CCDC30: variants seen among roughly 807,000 people sequenced by gnomAD.
CCDC30 encodes coiled-coil domain-containing protein 30.
In CCDC30, 70 loss-of-function variants were observed where a neutral mutation model predicts 100.2. The ratio of observed to expected loss-of-function variants is 0.70; its 90% confidence interval spans 0.58 to 0.85. The LOEUF is 0.85. Ranked by LOEUF, CCDC30 falls within the 40% of genes least tolerant of loss-of-function variation. The pLI is 0.00. For synonymous variants in CCDC30, 233 were observed against 269.5 expected (o/e 0.86, Z 1.33); for missense variants, 652 against 771.2 (o/e 0.85, Z 1.83).
At chr1:42,531,041 A>T (rs1183835679) in intron 6 of CCDC30, among the ~76,000 whole-genome samples, 1 of 152,232 alleles carries the variant, frequency 6.6e-6, no homozygotes, top group Non-Finnish European at 1.5e-5. Flanking sequence ...GTTGAATTGT[A>T]ATATTAAATA....
intron 6 of CCDC30, chr1:42,539,208 T>C (rs1644966258): frequency 1.9e-6 from 3 of 1,607,192 alleles, no homozygotes; most frequent in Non-Finnish European, 8.5e-7. Flanking sequence ...TTATATGCCT[T>C]TATAATGAAG....
chr1:42,595,706 A>G (rs1455764066), intron 10 of CCDC30: 1 of 152,070 alleles, frequency 6.6e-6, no homozygotes, highest in Non-Finnish European at 1.5e-5. Context: ...CTCCCAGGAG[A>G]TGGTGCCATA....
chr1:42,627,639 C>T (rs1040185765), intron 11 of CCDC30, among the ~76,000 whole-genome samples: 11 of 152,158 alleles, frequency 7.2e-5, no homozygotes, highest in Non-Finnish European at 1.0e-4. Context: ...GGACTTGGTG[C>T]CCTGTGTCCC....
chr1:42,627,521 A>G (rs6665541), intron 11 of CCDC30, among the ~76,000 whole-genome samples: 36,646 of 152,110 alleles, frequency 0.24, 4,680 homozygotes, highest in Non-Finnish European at 0.27. Context: ...TCTCCAGGCC[A>G]TGTCAGAGAC....
chr1:42,457,325 T>C, the CCDC30 span: 1 of 1,614,198 alleles, frequency 6.2e-7, no homozygotes, highest in East Asian at 2.2e-5. Context: ...GAACACAAGA[T>C]CCAGTCATCT....
intron 12 of CCDC30, among the ~76,000 whole-genome samples, chr1:42,639,664 C>T (rs1311368983): frequency 6.6e-6 from 1 of 152,212 alleles, no homozygotes; most frequent in Admixed American, 6.5e-5. Context: ...CTGTGTATCA[C>T]TTTCCTCATC....
At chr1:42,481,121 AAAAAG>A (rs1396904086) in intron 2 of CCDC30, among the ~76,000 whole-genome samples, 1 of 151,992 alleles carries the variant, frequency 6.6e-6, no homozygotes, top group Non-Finnish European at 1.5e-5. Flanking sequence ...TTAAAAAAAA[AAAAAG>A]AGTCATGCTG....
At chr1:42,481,577 A>C (rs886704570) in intron 2 of CCDC30, among the ~76,000 whole-genome samples, 1 of 12,740 alleles carries the variant, frequency 7.8e-5, no homozygotes, top group South Asian at 4.0e-3. Context: ...ACCCTGTCTC[A>C]AAAAAAAAAA....
chr1:42,457,255 G>C, the CCDC30 span: 1 of 1,613,954 alleles, frequency 6.2e-7, no homozygotes, highest in Non-Finnish European at 8.5e-7. Context: ...AGGCCCTTCT[G>C]CGATGTTTTA....
At chr1:42,566,216 C>A in intron 6 of CCDC30, 80 bp from the exon 11 acceptor site, 1 of 1,069,054 alleles carries the variant, frequency 9.4e-7, no homozygotes, top group Non-Finnish European at 1.4e-6. Flanking sequence ...CTGACAATTC[C>A]GGTTCTGACA....
intron 6 of CCDC30, chr1:42,545,456 T>C (rs1645109092): frequency 6.3e-7 from 1 of 1,599,600 alleles, no homozygotes; most frequent in South Asian, 1.1e-5. Flanking sequence ...CATTTTACTC[T>C]AGGGGGAAAA....
At chr1:42,526,658 T>C (rs1195801984) in intron 6 of CCDC30, among the ~76,000 whole-genome samples, 1 of 152,180 alleles carries the variant, frequency 6.6e-6, no homozygotes, top group Non-Finnish European at 1.5e-5. Context: ...AAAATCAATT[T>C]TTTTTATTTT....
At chr1:42,586,937 C>G (rs530443648) in intron 9 of CCDC30, among the ~76,000 whole-genome samples, 4 of 152,208 alleles carry the variant, frequency 2.6e-5, no homozygotes, top group African/African-American at 9.6e-5. Flanking sequence ...TTTTCAAACT[C>G]TATATCAATT....
At chr1:42,543,904 T>C (rs1645067803) in intron 6 of CCDC30, among the ~76,000 whole-genome samples, 1 of 152,242 alleles carries the variant, frequency 6.6e-6, no homozygotes, top group Non-Finnish European at 1.5e-5. Flanking sequence ...TTGATCTTTA[T>C]AATTAAGTCC....
intron 4 of CCDC30, among the ~76,000 whole-genome samples, chr1:42,495,204 T>G (rs1644212276): frequency 6.6e-6 from 1 of 151,220 alleles, no homozygotes; most frequent in South Asian, 2.1e-4. Context: ...ATGTCCTTTG[T>G]AGGGACATGG....
intron 11 of CCDC30, among the ~76,000 whole-genome samples, chr1:42,621,948 G>A (rs1557463435): frequency 6.6e-6 from 1 of 152,002 alleles, no homozygotes. Context: ...CAACTGGTCT[G>A]TTTCTTTAGT....
intron 9 of CCDC30, among the ~76,000 whole-genome samples, chr1:42,587,666 C>T (rs570696838): frequency 3.3e-5 from 5 of 152,272 alleles, no homozygotes; most frequent in African/African-American, 1.2e-4. Context: ...TCTCAGAATA[C>T]TGAAGTTAGA....
rs148275214 is a variant in CCDC30 at position 42,513,609 on chromosome 1, C to T, written c.456+14693C>T. On this transcript the variant is annotated intron_variant, in intron 6 of 16. Transcript: ENST00000668663. ...TGTCTATGTCTGCAGCTCAATTTTA[C>T]AGACTGCTCTTTGTTAGAAAAGAAA... is the stretch of plus-strand genomic sequence containing the variant. Among the ~76,000 whole-genome samples the T allele has an allele frequency of 5.2e-3, 789 of 152,246 alleles. 7 individuals are homozygous for T. Among genetic ancestry groups the T allele is most frequent in the African/African-American group, 0.018 (762 of 41,530 alleles).
At chr1:42,510,680 G>C (rs1056241917) in intron 6 of CCDC30, among the ~76,000 whole-genome samples, 15 of 151,210 alleles carry the variant, frequency 9.9e-5, no homozygotes, top group Non-Finnish European at 2.1e-4. Flanking sequence ...AATGTGGAAA[G>C]CTTCTATATA....
Sources: allele counts gnomAD v4.1 joint callset (sites outside exome capture counted in the v4.1 genomes callset), GRCh38; gene constraint gnomAD v4.1.1; transcripts MANE v1.5; gene names NCBI Gene and HGNC (gene_info 2026-07-23, HGNC 2026-07-21).